PTPRD: variants seen among roughly 807,000 people sequenced by gnomAD.
The protein encoded by PTPRD is receptor-type tyrosine-protein phosphatase delta.
Under a neutral mutation model 214.5 loss-of-function variants are expected in PTPRD, and 34 were observed. That is an observed-to-expected ratio of 0.16 (90% CI 0.12 to 0.21). The LOEUF (loss-of-function observed/expected upper bound fraction) is 0.21, where lower values mean the gene tolerates loss of function less well. PTPRD is among the 10% of genes least tolerant of loss of function. The pLI is 1.00. For missense variants in PTPRD, 2,545 were observed against 2,398.7 expected (o/e 1.06, Z -1.27); for synonymous variants, 1,128 against 845.7 (o/e 1.33, Z -5.79).
chr9:10,414,238 G>A (rs924708129), intron 2 of PTPRD, among the ~76,000 whole-genome samples: 41 of 151,386 alleles, frequency 2.7e-4, no homozygotes, highest in Admixed American at 9.2e-4. Context: ...GCGTCTATAG[G>A]GAACTTAAAA....
intron 3 of PTPRD, among the ~76,000 whole-genome samples, chr9:10,129,530 C>G (rs1272221154): frequency 7.6e-6 from 1 of 131,530 alleles, no homozygotes; most frequent in East Asian, 2.1e-4. Context: ...ACTTATCTCA[C>G]TCGTCTTTTC....
chr9:10,037,292 T>C (rs1321820874), intron 3 of PTPRD, among the ~76,000 whole-genome samples: 1 of 152,066 alleles, frequency 6.6e-6, no homozygotes, highest in Non-Finnish European at 1.5e-5. Context: ...TGGGAGGTGA[T>C]TGTATCAGGA....
intron 37 of PTPRD, among the ~76,000 whole-genome samples, chr9:8,381,561 C>G (rs2085091337): frequency 6.6e-6 from 1 of 152,234 alleles, no homozygotes; most frequent in South Asian, 2.1e-4. Context: ...TTACTAATCA[C>G]TATTTAGTGG....
At chr9:10,303,686 A>T (rs757100223) in intron 3 of PTPRD, among the ~76,000 whole-genome samples, 3 of 149,124 alleles carry the variant, frequency 2.0e-5, no homozygotes, top group Non-Finnish European at 4.4e-5. Context: ...ATTCATGGAC[A>T]CATACACCCT....
At chr9:10,166,611 G>C (rs552879728) in intron 3 of PTPRD, among the ~76,000 whole-genome samples, 1 of 152,048 alleles carries the variant, frequency 6.6e-6, no homozygotes, top group African/African-American at 2.4e-5. Flanking sequence ...TCAATGAAAA[G>C]CTATTCATCA....
intron 10 of PTPRD, among the ~76,000 whole-genome samples, chr9:9,055,238 A>C (rs988921828): frequency 1.3e-5 from 2 of 152,180 alleles, no homozygotes; most frequent in African/African-American, 4.8e-5. Context: ...AGAAAAAAAC[A>C]TGATGATTAT....
At chr9:9,078,133 C>CA in intron 10 of PTPRD, among the ~76,000 whole-genome samples, 1 of 151,720 alleles carries the variant, frequency 6.6e-6, no homozygotes, top group East Asian at 1.9e-4. Flanking sequence ...CTTTGGAATA[C>CA]AAAAAAGAAC....
chr9:10,082,810 C>A (rs1461337056), intron 3 of PTPRD, among the ~76,000 whole-genome samples: 5 of 136,588 alleles, frequency 3.7e-5, no homozygotes, highest in South Asian at 2.3e-4. Flanking sequence ...TTCTACTCCT[C>A]CTACACACAC....
At chr9:10,104,632 C>T (rs1036009290) in intron 3 of PTPRD, among the ~76,000 whole-genome samples, 1 of 151,736 alleles carries the variant, frequency 6.6e-6, no homozygotes, top group Non-Finnish European at 1.5e-5. Context: ...TGATTGCTCT[C>T]AGGTATGCTA....
At chr9:8,485,728 T>C (rs2096987720) in intron 28 of PTPRD, 34 bp downstream of exon 28, 4 of 1,540,990 alleles carry the variant, frequency 2.6e-6, no homozygotes, top group Non-Finnish European at 2.7e-6. Flanking sequence ...GACAATCCTT[T>C]AAAGGAGGAA....
intron 4 of PTPRD, among the ~76,000 whole-genome samples, chr9:9,955,818 G>C (rs771995727): frequency 6.6e-6 from 1 of 152,172 alleles, no homozygotes; most frequent in East Asian, 1.9e-4. Context: ...CACCACGCCC[G>C]GCCTATTTGG....
chr9:10,380,956 A>G (rs572976357), intron 2 of PTPRD, among the ~76,000 whole-genome samples: 1 of 152,140 alleles, frequency 6.6e-6, no homozygotes, highest in Non-Finnish European at 1.5e-5. Flanking sequence ...TTTCACACTT[A>G]GTTACTCCAA....
At position 10,122,914 on chromosome 9, in the gene PTPRD, G is replaced by C. The variant is rs185442132; in HGVS notation, c.-544-89124C>G. On this transcript the variant is annotated intron_variant, in intron 3 of 45. Transcript: ENST00000381196. ...CCTTGACAGAGGCAGCCTGGAAACA[G>C]ATATAAAAAGATTGCGGCAGATATA... is the stretch of plus-strand genomic sequence containing the variant. 8.5e-5 allele frequency among the ~76,000 whole-genome samples: 13 copies of C among 152,280 alleles called. No homozygotes were observed. The East Asian group carries it at 1.2e-3, about 14-fold the overall frequency.
intron 9 of PTPRD, among the ~76,000 whole-genome samples, chr9:9,205,257 A>G (rs1166890578): frequency 6.6e-6 from 1 of 152,180 alleles, no homozygotes; most frequent in African/African-American, 2.4e-5. Flanking sequence ...ACATTAAGTA[A>G]ACACATTTAA....
intron 3 of PTPRD, among the ~76,000 whole-genome samples, chr9:10,287,311 T>TTTA (rs1301840798): frequency 6.6e-6 from 1 of 152,012 alleles, no homozygotes; most frequent in African/African-American, 2.4e-5. Context: ...GCTGGGTGAG[T>TTTA]AGGGCCAAAC....
At chr9:10,395,757 T>C (rs1040916411) in intron 2 of PTPRD, among the ~76,000 whole-genome samples, 1 of 151,850 alleles carries the variant, frequency 6.6e-6, no homozygotes, top group Non-Finnish European at 1.5e-5. Flanking sequence ...TGCATAGGAA[T>C]CCTAGTTTTA....
chr9:10,127,084 T>G (rs2098825800), intron 3 of PTPRD, among the ~76,000 whole-genome samples: 1 of 152,064 alleles, frequency 6.6e-6, no homozygotes, highest in African/African-American at 2.4e-5. Context: ...GTGCACGTAT[T>G]TCTCCATCAC....
chr9:10,471,554 C>T (rs1356649842), intron 2 of PTPRD, among the ~76,000 whole-genome samples: 1 of 151,990 alleles, frequency 6.6e-6, no homozygotes, highest in Non-Finnish European at 1.5e-5. Flanking sequence ...TTCTTCAAAT[C>T]TCAGTTTCCA....
At chr9:9,825,517 C>T (rs2052506733) in intron 5 of PTPRD, among the ~76,000 whole-genome samples, 2 of 151,806 alleles carry the variant, frequency 1.3e-5, no homozygotes, top group African/African-American at 4.8e-5. Flanking sequence ...GGTAGGCAGT[C>T]AGTGCATATA....
Sources: allele counts gnomAD v4.1 joint callset (sites outside exome capture counted in the v4.1 genomes callset), GRCh38; gene constraint gnomAD v4.1.1; transcripts MANE v1.5; gene names NCBI Gene and HGNC (gene_info 2026-07-23, HGNC 2026-07-21).